PDXDC1: variants seen among roughly 807,000 people sequenced by gnomAD.
PDXDC1 encodes pyridoxal dependent decarboxylase domain containing 1.
In PDXDC1, 42 loss-of-function variants were observed where a neutral mutation model predicts 100.1. That is an observed-to-expected ratio of 0.42 (90% confidence interval 0.33 to 0.54). The LOEUF (loss-of-function observed/expected upper bound fraction) is 0.54, where lower values mean the gene tolerates loss of function less well. Among genes scored for constraint, PDXDC1 ranks in the 20% least tolerant of loss-of-function variants. The probability of loss-of-function intolerance (pLI) is 0.10; values close to 1 mark genes in which losing one functional copy is unlikely to be tolerated. For missense variants in PDXDC1, 636 were observed against 979.2 expected, an observed-to-expected ratio of 0.65 and a Z score of 4.68; for synonymous variants, 260 against 371.7, an observed-to-expected ratio of 0.70 and a Z score of 3.46.
chr16:15,130,592 T>G, intron 16 of PDXDC1: 2 of 1,354,284 alleles, frequency 1.5e-6, no homozygotes, highest in Non-Finnish European at 2.1e-6. Flanking sequence ...TGCTGACCCA[T>G]GATGCCCTGC....
Position 15,044,212 on chromosome 16 carries a change from C to G in PDXDC1, c.1399+14156C>G, listed in dbSNP as rs529500024. 2.8e-5 allele frequency: 19 copies of G among 666,858 alleles called. No individual in the cohort carries two copies. The African/African-American group carries it at 3.2e-4, about 11-fold the overall frequency. 41.3% of individuals were successfully genotyped at this position (666,858 alleles called of 1,614,324 possible). A position where few individuals can be genotyped will look rare whatever the true frequency, so the allele number is the denominator to read the frequency against. ...ATTCCAAGCTGGGCAGTCTGTTTCT[C>G]TGTGCTGCTCCAAGTGGGTGTGCCC... is the stretch of plus-strand genomic sequence containing the variant. On this transcript the variant is annotated intron_variant, in intron 16 of 16. Coordinates refer to the PDXDC1 transcript ENST00000535621.
rs777706076 is a variant in PDXDC1, at chr16:15,038,190, C to CA, written c.*1916dup. On this transcript the variant is annotated 3_prime_UTR_variant, in exon 23 of 23. Coordinates refer to ENST00000396410, the MANE Select transcript of PDXDC1 (RefSeq NM_015027.4). Reference sequence around the variant, plus strand: ...GTTCAACAAAGTGGGGTGGCTCAGCCAGAGGCGAAGTGGAAAGATTCTGAA... The same window carrying CA: ...GTTCAACAAAGTGGGGTGGCTCAGCCAAGAGGCGAAGTGGAAAGATTCTGAA... The CA allele has an allele frequency of 6.2e-7, 1 of 1,612,714 alleles. No individual in the cohort carries two copies. The highest frequency in any genetic ancestry group is 1.3e-5 in the African/African-American group (1 of 74,852).
intron 8 of PDXDC1, 142 bp from the exon 9 acceptor site, chr16:15,015,987 C>T (rs1370659677): frequency 6.9e-7 from 1 of 1,446,302 alleles, no homozygotes; most frequent in African/African-American, 1.4e-5. Context: ...GATTTTAAGT[C>T]CTTCCACAAA....
At chr16:15,083,367 C>G (rs2151807940) in intron 16 of PDXDC1, 1 of 1,323,258 alleles carries the variant, frequency 7.6e-7, no homozygotes, top group East Asian at 2.7e-5. Context: ...CCATTGCACT[C>G]CAGCTTGGGC....
chr16:15,128,296 C>G (rs754735692), intron 16 of PDXDC1: 17 of 1,610,374 alleles, frequency 1.1e-5, no homozygotes, highest in Non-Finnish European at 1.1e-5. Flanking sequence ...GATGTCCAGG[C>G]TGTTGCGGTG....
intron 16 of PDXDC1, chr16:15,086,262 G>C (rs763134351): frequency 1.3e-6 from 2 of 1,563,994 alleles, no homozygotes; most frequent in Non-Finnish European, 8.7e-7. Context: ...GCAATCTCTA[G>C]AGTGGGGGAA....
intron 16 of PDXDC1, among the ~76,000 whole-genome samples, chr16:15,082,677 C>A (rs1597967993): frequency 6.6e-6 from 1 of 151,434 alleles, no homozygotes; most frequent in African/African-American, 2.4e-5. Context: ...TCCCCCCACC[C>A]CTGAAAAAAA....
At chr16:15,030,405 G>A (rs2042969228) in intron 16 of PDXDC1, among the ~76,000 whole-genome samples, 3 of 151,880 alleles carry the variant, frequency 2.0e-5, no homozygotes, top group Non-Finnish European at 4.4e-5. Flanking sequence ...AATTAGCCAG[G>A]CATGGTGGTA....
intron 1 of PDXDC1, among the ~76,000 whole-genome samples, chr16:14,982,763 T>C (rs1968286319): frequency 6.6e-6 from 1 of 152,290 alleles, no homozygotes; most frequent in African/African-American, 2.4e-5. Context: ...GGCTTCTCAG[T>C]GGTATGTATT....
At chr16:15,094,998 C>T (rs535680338) in intron 16 of PDXDC1, among the ~76,000 whole-genome samples, 4 of 151,990 alleles carry the variant, frequency 2.6e-5, no homozygotes, top group Non-Finnish European at 5.9e-5. Flanking sequence ...CCACCACACC[C>T]GGCTAATTTT....
intron 1 of PDXDC1, chr16:14,977,025 T>A: frequency 6.6e-6 from 1 of 152,308 alleles, no homozygotes; most frequent in East Asian, 1.9e-4. Context: ...CTTTAAATAT[T>A]ACTTTTCTGG....
At chr16:14,979,124 T>C (rs575657373) in intron 1 of PDXDC1, among the ~76,000 whole-genome samples, 45 of 152,282 alleles carry the variant, frequency 3.0e-4, no homozygotes, top group Non-Finnish European at 5.4e-4. Context: ...GCAGTTTACA[T>C]TGAGATTAAA....
At position 15,036,658 on chromosome 16, in the gene PDXDC1, T is replaced by A; in HGVS notation, c.*383T>A. On this transcript the variant is annotated 3_prime_UTR_variant, in exon 23 of 23. Transcript: ENST00000396410. ...CAGCTTTTCATTAGCACTCTCCAGG[T>A]TCTCTGCAACACTTCACAGAGGCGA... is the stretch of plus-strand genomic sequence containing the variant. 1.3e-5 allele frequency: 3 copies of A among 231,942 alleles called. No homozygotes were observed. Among genetic ancestry groups the A allele is most frequent in the Admixed American group, 1.0e-4 (2 of 19,548 alleles). The allele number at this position is 231,942 out of a possible 1,614,324, so 14.4% of individuals were successfully genotyped here. A position where few individuals can be genotyped will look rare whatever the true frequency, so the allele number is the denominator to read the frequency against.
intron 16 of PDXDC1, among the ~76,000 whole-genome samples, chr16:15,124,117 T>C (rs2047572983): frequency 6.6e-6 from 1 of 152,202 alleles, no homozygotes; most frequent in Admixed American, 6.5e-5. Context: ...GTTCATCAGC[T>C]TCTCTCCTAA....
At chr16:15,073,491 A>C (rs2045327061) in intron 16 of PDXDC1, among the ~76,000 whole-genome samples, 1 of 152,214 alleles carries the variant, frequency 6.6e-6, no homozygotes, top group African/African-American at 2.4e-5. Context: ...TATCCATTAA[A>C]ATACCATTAA....
intron 16 of PDXDC1, chr16:15,048,084 G>A: frequency 1.2e-6 from 2 of 1,603,960 alleles, no homozygotes; most frequent in East Asian, 4.5e-5. Context: ...TGACCTCTGA[G>A]AAGTCTGGCT....
intron 15 of PDXDC1, 98 bp from the exon 16 acceptor site, chr16:15,029,853 A>C (rs1266252808): frequency 9.5e-7 from 1 of 1,054,652 alleles, no homozygotes; most frequent in Admixed American, 2.1e-5. Flanking sequence ...TCAGCTCTCC[A>C]GGAGGCTCTT....
At chr16:15,042,172 G>A (rs1014441657), downstream of PDXDC1, among the ~76,000 whole-genome samples, 49 of 149,086 alleles carry the variant, frequency 3.3e-4, no homozygotes, top group African/African-American at 1.1e-3. Flanking sequence ...TGACTATAAA[G>A]ACAATTTTAT....
Position 15,034,298 on chromosome 16 carries a change from A to T in PDXDC1, c.1825A>T (p.Met609Leu). Residue 609 changes from methionine (M) to leucine (L), a missense_variant, in exon 20 of 23, where the codon ATG (methionine) becomes TTG (leucine). By Grantham distance (15) the Met-to-Leu change is conservative (BLOSUM62 2). This residue lies in a region of PDXDC1 where 452 missense variants were observed against 402.9 expected (regional missense o/e 1.12). Transcript: ENST00000396410. ...GGTCTTGCCACAGCTTCTGGAAAAC[A>T]TGACAGAAGTGGTTCGGAAAGGCAT... ...IEENSRLLEN[M>L]TEVVRKGIQE... 1.2e-6 allele frequency: 2 copies of T among 1,613,168 alleles called. No individual in the cohort carries two copies. The highest frequency in any genetic ancestry group is 1.7e-6 in the Non-Finnish European group (2 of 1,179,856).
Sources: gnomAD v4.1 joint callset for allele counts (sites outside exome capture counted in the v4.1 genomes callset) on GRCh38, gnomAD v4.1.1 for gene constraint, gnomAD v4.1.1 regional missense constraint, MANE v1.5 for transcripts, NCBI Gene and HGNC (gene_info 2026-07-23, HGNC 2026-07-21) for gene names.